The following TMEM132C variants were observed in gnomAD, a reference collection of about 807,000 sequenced individuals.
TMEM132C encodes transmembrane protein 132C.
In TMEM132C, 29 loss-of-function variants were observed where a neutral mutation model predicts 61.4. The observed-to-expected ratio is 0.47, with a 90% CI of 0.35 to 0.64. TMEM132C has a LOEUF of 0.64. Among genes scored for constraint, TMEM132C ranks in the 30% least tolerant of loss-of-function variants. The probability of loss-of-function intolerance (pLI) is 0.00; values close to 1 mark genes in which losing one functional copy is unlikely to be tolerated. For synonymous variants in TMEM132C, 656 were observed against 633.1 expected (o/e 1.04, Z -0.54); for missense variants, 1,408 against 1,476.9 (o/e 0.95, Z 0.76).
At chr12:128,660,828 C>T (rs1328906748) in intron 4 of TMEM132C, among the ~76,000 whole-genome samples, 1 of 151,958 alleles carries the variant, frequency 6.6e-6, no homozygotes, top group African/African-American at 2.4e-5. Context: ...TAAATGGTAC[C>T]CTACCCACCA....
chr12:128,319,853 A>T (rs1872273503), intron 1 of TMEM132C, among the ~76,000 whole-genome samples: 1 of 150,904 alleles, frequency 6.6e-6, no homozygotes, highest in Admixed American at 6.6e-5. Context: ...CACCAAAGTG[A>T]ACAGTCTTCA....
intron 2 of TMEM132C, among the ~76,000 whole-genome samples, chr12:128,496,890 T>C (rs535326422): frequency 1.3e-5 from 2 of 152,356 alleles, no homozygotes; most frequent in East Asian, 3.9e-4. Flanking sequence ...TGCATTCTTT[T>C]GGAAGGGGAG....
At chr12:128,385,355 C>G (rs139555872) in intron 1 of TMEM132C, among the ~76,000 whole-genome samples, 7 of 145,600 alleles carry the variant, frequency 4.8e-5, no homozygotes, top group African/African-American at 1.7e-4. Context: ...GCCGAGTCCT[C>G]GCACAGAGCC....
intron 1 of TMEM132C, among the ~76,000 whole-genome samples, chr12:128,290,861 AAG>A (rs1555250564): frequency 1.3e-5 from 2 of 148,652 alleles, no homozygotes; most frequent in African/African-American, 5.2e-5. Flanking sequence ...AAAAAAAAAA[AAG>A]AAATAAGTGA....
chr12:128,323,613 G>A lies in TMEM132C; in HGVS notation c.85+56126G>A, dbSNP rs544666800. Among the ~76,000 whole-genome samples the A allele has an allele frequency of 6.6e-5, 10 of 152,294 alleles. No homozygotes were observed. In the East Asian group the frequency reaches 1.3e-3, roughly 21 times the overall value. On this transcript the variant is annotated intron_variant, in intron 1 of 8. Coordinates refer to ENST00000435159, the MANE Select transcript of TMEM132C (RefSeq NM_001136103.3). ...GATTACTGATAGATGCACCTCTGTC[G>A]CCTCCCCAGGCTCCAGATAGAATCT...
chr12:128,405,923 G>A (rs192803882), intron 1 of TMEM132C, among the ~76,000 whole-genome samples: 1 of 152,276 alleles, frequency 6.6e-6, no homozygotes, highest in African/African-American at 2.4e-5. Context: ...CAGCCCCCAT[G>A]GACAGGTGCT....
intron 3 of TMEM132C, among the ~76,000 whole-genome samples, chr12:128,574,671 T>A (rs551402504): frequency 1.3e-5 from 2 of 152,290 alleles, no homozygotes; most frequent in South Asian, 4.1e-4. Context: ...GTAGACTGGA[T>A]TGTTCCATAA....
intron 1 of TMEM132C, among the ~76,000 whole-genome samples, chr12:128,399,126 A>G (rs2136007862): frequency 6.6e-6 from 1 of 152,344 alleles, no homozygotes; most frequent in East Asian, 1.9e-4. Context: ...AAACAAAACT[A>G]CAGATGCTAA....
At chr12:128,526,965 T>C (rs554690033) in intron 2 of TMEM132C, among the ~76,000 whole-genome samples, 1 of 152,256 alleles carries the variant, frequency 6.6e-6, no homozygotes, top group South Asian at 2.1e-4. Flanking sequence ...ACCTAGACAG[T>C]GGCAGTGAGC....
rs148684515 is a variant in TMEM132C at position 128,655,003 on chromosome 12, G to C, written c.1306-14414G>C. ...TGCTCCTACCGAATCTAAGGCAGTC[G>C]CAGAGGAAATGAGGGGAATTGTTAG... On this transcript the variant is annotated intron_variant, in intron 4 of 8. Transcript: ENST00000435159. 6.5e-3 allele frequency among the ~76,000 whole-genome samples: 990 copies of C among 152,298 alleles called. 11 individuals carry two copies. The highest frequency in any genetic ancestry group is 0.023 in the African/African-American group (945 of 41,560).
At chr12:128,432,173 A>G (rs1425099850) in intron 2 of TMEM132C, among the ~76,000 whole-genome samples, 1 of 152,244 alleles carries the variant, frequency 6.6e-6, no homozygotes, top group Non-Finnish European at 1.5e-5. Flanking sequence ...GGATATGTGC[A>G]GGGGGATGAA....
chr12:128,297,341 A>G (rs1871445093), intron 1 of TMEM132C, among the ~76,000 whole-genome samples: 1 of 152,226 alleles, frequency 6.6e-6, no homozygotes, highest in Admixed American at 6.5e-5. Context: ...TGAATATTGT[A>G]CGTTTGTAAA....
intron 1 of TMEM132C, among the ~76,000 whole-genome samples, chr12:128,281,724 C>T (rs935302860): frequency 2.0e-5 from 3 of 152,110 alleles, no homozygotes; most frequent in South Asian, 4.1e-4. Flanking sequence ...AATATTTGTT[C>T]CCCACTCGCT....
intron 2 of TMEM132C, among the ~76,000 whole-genome samples, chr12:128,426,260 G>C (rs78654796): frequency 0.022 from 3,306 of 152,330 alleles, 109 homozygotes; most frequent in African/African-American, 0.074. Context: ...CTTCATTTCA[G>C]GGAGCGAAGT....
intron 4 of TMEM132C, among the ~76,000 whole-genome samples, chr12:128,625,658 G>A (rs1202341873): frequency 6.6e-6 from 1 of 152,182 alleles, no homozygotes; most frequent in Admixed American, 6.5e-5. Context: ...GAACAGCATA[G>A]GGGAAACTGC....
intron 2 of TMEM132C, among the ~76,000 whole-genome samples, chr12:128,463,443 C>T (rs905295299): frequency 2.7e-4 from 41 of 152,172 alleles, no homozygotes; most frequent in Admixed American, 2.3e-3. Context: ...CTCAGCCTCC[C>T]GAGTAGCTGG....
chr12:128,593,790 C>T (rs577889041), intron 3 of TMEM132C, among the ~76,000 whole-genome samples: 281 of 152,086 alleles, frequency 1.8e-3, no homozygotes, highest in Non-Finnish European at 2.6e-3. Context: ...AGACATAGTA[C>T]AGGGGCCAAT....
intron 3 of TMEM132C, among the ~76,000 whole-genome samples, chr12:128,550,710 C>T (rs1874144452): frequency 6.6e-6 from 1 of 152,212 alleles, no homozygotes; most frequent in Admixed American, 6.5e-5. Context: ...CAAATATAGT[C>T]ACACTGGGGC....
intron 1 of TMEM132C, among the ~76,000 whole-genome samples, chr12:128,279,164 A>G (rs1162140798): frequency 6.6e-6 from 1 of 152,108 alleles, no homozygotes. Context: ...TCTCTCTCAC[A>G]TATCTCACCT....
Sources: gnomAD v4.1 joint callset for allele counts (sites outside exome capture counted in the v4.1 genomes callset) on GRCh38, gnomAD v4.1.1 for gene constraint, MANE v1.5 for transcripts, NCBI Gene and HGNC (gene_info 2026-07-23, HGNC 2026-07-21) for gene names.